The following GPM6B variants were observed in gnomAD, a reference collection of about 807,000 sequenced individuals.
GPM6B encodes the protein glycoprotein M6B.
GPM6B carries 4 observed loss-of-function variants against 27.2 expected under a neutral mutation model. That is an observed-to-expected ratio of 0.15 (90% CI 0.07 to 0.34). The LOEUF (loss-of-function observed/expected upper bound fraction) is 0.34. GPM6B is among the 10% of genes least tolerant of loss of function. The pLI is 1.00. For synonymous variants in GPM6B, 124 were observed against 103.1 expected, an observed-to-expected ratio of 1.20 and a Z score of -1.23; for missense variants, 183 against 261.9, an observed-to-expected ratio of 0.70 and a Z score of 2.08.
intron 1 of GPM6B, among the ~76,000 whole-genome samples, chrX:13,937,932 G>A (rs909679511): frequency 4.5e-5 from 5 of 111,447 alleles, no homozygotes; most frequent in Admixed American, 2.8e-4. Flanking sequence ...GAGAGACTCA[G>A]CCTCCGTCCC....
At chrX:13,854,095 A>G (rs769063649) in intron 1 of GPM6B, among the ~76,000 whole-genome samples, 1 of 111,647 alleles carries the variant, frequency 9.0e-6, no homozygotes, top group African/African-American at 3.3e-5. Context: ...AGTGGCAGGA[A>G]GCAGATATGG....
chrX:13,843,014 T>C (rs2049598718), intron 1 of GPM6B, among the ~76,000 whole-genome samples: 1 of 111,352 alleles, frequency 9.0e-6, no homozygotes, highest in South Asian at 3.8e-4. Flanking sequence ...AAATATATGA[T>C]CGCAACTGTT....
intron 1 of GPM6B, among the ~76,000 whole-genome samples, chrX:13,905,906 ATCT>A (rs1291170138): frequency 9.0e-6 from 1 of 111,247 alleles, no homozygotes; most frequent in Non-Finnish European, 1.9e-5. Context: ...CTCTGAATCC[ATCT>A]TGATGCTGAA....
At chrX:13,895,295 T>C (rs2050222562) in intron 1 of GPM6B, among the ~76,000 whole-genome samples, 1 of 111,493 alleles carries the variant, frequency 9.0e-6, no homozygotes, top group African/African-American at 3.3e-5. Flanking sequence ...CTGGTACTTT[T>C]TTTTTTCATT....
At chrX:13,884,198 A>G (rs1478258972) in intron 1 of GPM6B, among the ~76,000 whole-genome samples, 1 of 112,692 alleles carries the variant, frequency 8.9e-6, no homozygotes, top group Non-Finnish European at 1.9e-5. Context: ...TAAATTTTAA[A>G]AAGTTAATTT....
chrX:13,833,649 C>A lies in GPM6B; in HGVS notation c.-197-47841G>T, dbSNP rs2049465423. On this transcript the variant is annotated intron_variant, in intron 1 of 6. Transcript: ENST00000398361. Reference sequence around the variant, plus strand: ...GGCTGAGGGGTGAGGATCTCTTGAACCCAGGAGTTTAAGGCTGCAGTTAGC... The same window carrying A: ...GGCTGAGGGGTGAGGATCTCTTGAAACCAGGAGTTTAAGGCTGCAGTTAGC... Among the ~76,000 whole-genome samples the A allele has an allele frequency of 3.6e-5, 4 of 110,476 alleles. No homozygotes were observed. The South Asian group carries it at 1.6e-3, about 43-fold the overall frequency.
intron 1 of GPM6B, among the ~76,000 whole-genome samples, chrX:13,836,831 G>A (rs1295004030): frequency 8.9e-6 from 1 of 112,514 alleles, no homozygotes; most frequent in African/African-American, 3.2e-5. Flanking sequence ...CTTAATAGCT[G>A]TTTGCTAATG....
intron 1 of GPM6B, among the ~76,000 whole-genome samples, chrX:13,865,896 G>A (rs888887115): frequency 1.2e-4 from 13 of 110,969 alleles, no homozygotes; most frequent in Non-Finnish European, 1.5e-4. Flanking sequence ...TTGACAACAC[G>A]GATACACCTG....
At chrX:13,932,543 G>T (rs1283566265) in intron 1 of GPM6B, among the ~76,000 whole-genome samples, 1 of 111,962 alleles carries the variant, frequency 8.9e-6, no homozygotes, top group Non-Finnish European at 1.9e-5. Flanking sequence ...CATCTGAACA[G>T]GACTCTGTGA....
chrX:13,844,104 C>T (rs2049615188), intron 1 of GPM6B, among the ~76,000 whole-genome samples: 1 of 112,141 alleles, frequency 8.9e-6, no homozygotes, highest in Non-Finnish European at 1.9e-5. Flanking sequence ...CAACTTCATT[C>T]TTTTACATGT....
At chrX:13,842,532 T>C (rs891377706) in intron 1 of GPM6B, among the ~76,000 whole-genome samples, 5 of 111,155 alleles carry the variant, frequency 4.5e-5, no homozygotes, top group African/African-American at 1.6e-4. Context: ...CACATCCCTC[T>C]GCCAGCAGTA....
At chrX:13,839,564 T>C (rs1188003731) in intron 1 of GPM6B, among the ~76,000 whole-genome samples, 4 of 111,218 alleles carry the variant, frequency 3.6e-5, no homozygotes, top group African/African-American at 9.8e-5. Context: ...TCTCCAGTCA[T>C]TGATCCTGGC....
chrX:13,918,101 T>C (rs1056763526), intron 1 of GPM6B, among the ~76,000 whole-genome samples: 2 of 112,972 alleles, frequency 1.8e-5, no homozygotes, highest in Admixed American at 1.9e-4. Context: ...CAGAAGAAAG[T>C]GCGTTTTTGA....
At chrX:13,911,768 T>C (rs996470252) in intron 1 of GPM6B, among the ~76,000 whole-genome samples, 3 of 112,342 alleles carry the variant, frequency 2.7e-5, no homozygotes, top group African/African-American at 9.7e-5. Flanking sequence ...TGTGATCTTA[T>C]TGGGTATTTG....
intron 1 of GPM6B, among the ~76,000 whole-genome samples, chrX:13,884,669 G>A (rs745695519): frequency 3.6e-5 from 4 of 112,316 alleles, no homozygotes; most frequent in Non-Finnish European, 7.5e-5. Context: ...CATGGCGTAA[G>A]AAGAAATAAT....
At chrX:13,808,073 A>G (rs1168155476) in intron 1 of GPM6B, among the ~76,000 whole-genome samples, 1 of 112,108 alleles carries the variant, frequency 8.9e-6, no homozygotes, top group Non-Finnish European at 1.9e-5. Context: ...GGCTCCTCAC[A>G]ATAATATTTT....
At chrX:13,924,917 T>G (rs1026860976) in intron 1 of GPM6B, among the ~76,000 whole-genome samples, 1 of 112,540 alleles carries the variant, frequency 8.9e-6, no homozygotes, top group African/African-American at 3.2e-5. Flanking sequence ...GTAGAAGAAC[T>G]GATTTGACTT....
intron 1 of GPM6B, among the ~76,000 whole-genome samples, chrX:13,844,163 C>T (rs1225610267): frequency 8.9e-6 from 1 of 112,094 alleles, no homozygotes; most frequent in African/African-American, 3.3e-5. Context: ...TATTCTTTCC[C>T]CACTGAATTG....
At chrX:13,781,826 T>C (rs1322873317) in intron 4 of GPM6B, among the ~76,000 whole-genome samples, 3 of 112,085 alleles carry the variant, frequency 2.7e-5, no homozygotes, top group African/African-American at 9.7e-5. Context: ...CCGGACCTCC[T>C]GAGGCTGTGT....
Sources: gnomAD v4.1 joint callset for allele counts (sites outside exome capture counted in the v4.1 genomes callset) on GRCh38, gnomAD v4.1.1 for gene constraint, MANE v1.5 for transcripts, NCBI Gene and HGNC (gene_info 2026-07-23, HGNC 2026-07-21) for gene names.